SLC4A4: variants seen among roughly 807,000 people sequenced by gnomAD.
SLC4A4 encodes electrogenic sodium bicarbonate cotransporter 1.
A neutral mutation model predicts 111.5 loss-of-function variants in SLC4A4; 27 were observed. That is an observed-to-expected ratio of 0.24 (90% confidence interval 0.18 to 0.33). SLC4A4 has a LOEUF of 0.33. Ranked by LOEUF, SLC4A4 falls within the 10% of genes least tolerant of loss-of-function variation. The pLI, the probability that SLC4A4 is intolerant of heterozygous loss-of-function variation, is 1.00. For missense variants in SLC4A4, 909 were observed against 1,315.5 expected, an observed-to-expected ratio of 0.69 and a Z score of 4.78; for synonymous variants, 443 against 463.4, an observed-to-expected ratio of 0.96 and a Z score of 0.57.
rs573968902 is a variant in SLC4A4, at chr4:71,275,913, G to A, written c.253+20514G>A. Among the ~76,000 whole-genome samples, 221 of 152,306 alleles carry A rather than the reference G, an allele frequency of 1.5e-3. 1 individual carries two copies. The highest frequency in any genetic ancestry group is 2.5e-3 in the Non-Finnish European group (170 of 68,024). On this transcript the variant is annotated intron_variant, in intron 3 of 25. Transcript: ENST00000264485. ...CATGCTTCTAAATGAAGTTGAAGCT[G>A]GTGATTTACCTCTGTTAAATCCACG...
chr4:71,396,100 C>A (rs1346135722), intron 6 of SLC4A4, among the ~76,000 whole-genome samples: 1 of 152,136 alleles, frequency 6.6e-6, no homozygotes, highest in East Asian at 1.9e-4. Context: ...AAATCTAATA[C>A]CTGGCTCAAA....
intron 13 of SLC4A4, among the ~76,000 whole-genome samples, chr4:71,469,533 G>T (rs1408266471): frequency 6.6e-6 from 1 of 151,892 alleles, no homozygotes; most frequent in Non-Finnish European, 1.5e-5. Flanking sequence ...ATAATGATAT[G>T]AATCTATTTT....
intron 2 of SLC4A4, among the ~76,000 whole-genome samples, chr4:71,178,616 A>G (rs1456502585): frequency 1.3e-5 from 2 of 152,250 alleles, no homozygotes; most frequent in African/African-American, 2.4e-5. Context: ...AGAAATGGAT[A>G]CATTCCTCAA....
intron 2 of SLC4A4, among the ~76,000 whole-genome samples, chr4:71,152,436 A>C (rs895395198): frequency 2.6e-5 from 4 of 152,146 alleles, no homozygotes; most frequent in Non-Finnish European, 5.9e-5. Context: ...ATTCTATGAG[A>C]CTTAGTTCTT....
intron 13 of SLC4A4, 75 bp from the exon 14 acceptor site, chr4:71,472,624 G>A (rs557286033): frequency 6.9e-7 from 1 of 1,453,884 alleles, no homozygotes; most frequent in Admixed American, 1.7e-5. Context: ...TCTTTCTGTA[G>A]ACATTTGGTA....
intron 16 of SLC4A4, among the ~76,000 whole-genome samples, chr4:71,519,646 AT>A (rs10635693): frequency 6.6e-6 from 1 of 151,370 alleles, no homozygotes; most frequent in African/African-American, 2.4e-5. Flanking sequence ...TAAGAACATC[AT>A]TTTTTTTGAC....
rs557570280 is a variant in SLC4A4, at chr4:71,457,458, T to C, written c.1497+3789T>C. ...CAGTAAACTTTAGCTACGGCTTCTT[T>C]GAGTAACTGAACCACTCAGCCAAGA... On this transcript the variant is annotated intron_variant, in intron 12 of 25. Transcript: ENST00000264485. 8.5e-5 allele frequency among the ~76,000 whole-genome samples: 13 copies of C among 152,266 alleles called. No individual in the cohort carries two copies. In the South Asian group the frequency reaches 2.7e-3, roughly 32 times the overall value.
At position 71,409,981 on chromosome 4, in the gene SLC4A4, G is replaced by T. The variant is rs1166392322; in HGVS notation, c.807+12328G>T. Among the ~76,000 whole-genome samples, 4 of 152,338 alleles carry T rather than the reference G, an allele frequency of 2.6e-5. No individual in the cohort carries two copies. The East Asian group carries it at 7.7e-4, about 29-fold the overall frequency. ...CCTCAAGCCTTGGCAGCTTCCACAT[G>T]GTGTTGAGCCTGCGAGCGCACAGAA... On this transcript the variant is annotated intron_variant, in intron 7 of 25. Coordinates refer to ENST00000264485, the MANE Select transcript of SLC4A4 (RefSeq NM_001098484.3).
At chr4:71,069,017 C>T (rs1293107604) in intron 1 of SLC4A4, among the ~76,000 whole-genome samples, 1 of 152,186 alleles carries the variant, frequency 6.6e-6, no homozygotes, top group Admixed American at 6.5e-5. Flanking sequence ...CAGACATTCC[C>T]AACTGGTTCC....
intron 6 of SLC4A4, among the ~76,000 whole-genome samples, chr4:71,367,116 A>G (rs1731406659): frequency 6.6e-6 from 1 of 152,194 alleles, no homozygotes; most frequent in Non-Finnish European, 1.5e-5. Flanking sequence ...ATACGCAAAA[A>G]GAAATTTCCA....
intron 21 of SLC4A4, among the ~76,000 whole-genome samples, chr4:71,555,703 C>T (rs1736408503): frequency 6.6e-6 from 1 of 151,848 alleles, no homozygotes; most frequent in South Asian, 2.1e-4. Flanking sequence ...TTGAAAACTT[C>T]AGCTATTCAT....
intron 1 of SLC4A4, among the ~76,000 whole-genome samples, chr4:71,198,660 A>G (rs1746116975): frequency 6.6e-6 from 1 of 152,178 alleles, no homozygotes; most frequent in South Asian, 2.1e-4. Context: ...CAGAACTAGG[A>G]GCACCACATA....
chr4:71,420,401 GAA>G (rs1386428984), intron 7 of SLC4A4, among the ~76,000 whole-genome samples: 1 of 152,084 alleles, frequency 6.6e-6, no homozygotes, highest in Non-Finnish European at 1.5e-5. Flanking sequence ...AACCAAGTTG[GAA>G]AACACTCTGC....
intron 1 of SLC4A4, among the ~76,000 whole-genome samples, chr4:71,193,559 CA>C (rs1351903707): frequency 6.6e-6 from 1 of 152,154 alleles, no homozygotes; most frequent in African/African-American, 2.4e-5. Flanking sequence ...ACATTCCTAC[CA>C]GCATTGTGTG....
In SLC4A4 at chr4:71,264,764, C is replaced by T. The variant is rs370787323; in HGVS notation, c.253+9365C>T. 1.6e-4 allele frequency among the ~76,000 whole-genome samples: 25 copies of T among 152,150 alleles called. 1 individual carries two copies. Among genetic ancestry groups the T allele is most frequent in the Non-Finnish European group, 2.5e-4 (17 of 67,990 alleles). On this transcript the variant is annotated intron_variant, in intron 3 of 25. Transcript: ENST00000264485. ...CAACAACCAAGCAGATGGGCAAAAA[C>T]GCTTCAAAAGGATTTTAGATTATTT...
intron 18 of SLC4A4, 23 bp downstream of exon 18, chr4:71,534,411 G>C: frequency 1.2e-6 from 2 of 1,608,910 alleles, no homozygotes; most frequent in African/African-American, 1.3e-5. Context: ...AATAATGTCT[G>C]TCATTGCCTT....
chr4:71,238,467 A>C (rs1431560391), intron 2 of SLC4A4, among the ~76,000 whole-genome samples: 1 of 152,242 alleles, frequency 6.6e-6, no homozygotes, highest in Non-Finnish European at 1.5e-5. Context: ...ACATCTGTAA[A>C]ATTCAAGAAA....
intron 14 of SLC4A4, among the ~76,000 whole-genome samples, chr4:71,485,132 C>T (rs1195632115): frequency 6.6e-6 from 1 of 151,732 alleles, no homozygotes; most frequent in Non-Finnish European, 1.5e-5. Context: ...CCCTTTATTT[C>T]TTTCTCTTGC....
intron 2 of SLC4A4, among the ~76,000 whole-genome samples, chr4:71,165,053 A>G (rs1744706685): frequency 2.0e-5 from 3 of 152,220 alleles, no homozygotes; most frequent in Admixed American, 1.3e-4. Context: ...TCAGGAAACA[A>G]CAAATGCTGG....
Sources: gnomAD v4.1 joint callset for allele counts (sites outside exome capture counted in the v4.1 genomes callset) on GRCh38, gnomAD v4.1.1 for gene constraint, MANE v1.5 for transcripts, NCBI Gene and HGNC (gene_info 2026-07-23, HGNC 2026-07-21) for gene names.